The following SLC35F4 variants were observed in gnomAD, a reference collection of about 807,000 sequenced individuals.
The protein encoded by SLC35F4 is chromosome 14 open reading frame 36.
Under a neutral mutation model 44.2 loss-of-function variants are expected in SLC35F4, and 24 were observed. The ratio of observed to expected loss-of-function variants is 0.54; its 90% CI spans 0.39 to 0.76. SLC35F4 has a LOEUF of 0.76. SLC35F4 is among the 30% of genes least tolerant of loss of function. The pLI, the probability that SLC35F4 is intolerant of heterozygous loss-of-function variation, is 0.00. For missense variants in SLC35F4, 562 were observed against 586.1 expected, an observed-to-expected ratio of 0.96 and a Z score of 0.42; for synonymous variants, 238 against 223.6, an observed-to-expected ratio of 1.06 and a Z score of -0.57.
chr14:57,844,707 C>T (rs1391210060), intron 1 of SLC35F4, among the ~76,000 whole-genome samples: 1 of 152,150 alleles, frequency 6.6e-6, no homozygotes, highest in Non-Finnish European at 1.5e-5. Context: ...CTTTTGGAAG[C>T]AAGATTTCCT....
chr14:57,935,155 A>G (rs1022338839), intron 1 of SLC35F4, among the ~76,000 whole-genome samples: 4 of 152,190 alleles, frequency 2.6e-5, no homozygotes, highest in African/African-American at 9.7e-5. Context: ...GGAAGAGAGA[A>G]GTTACCTTCC....
chr14:57,894,675 T>C (rs1888836568), intron 1 of SLC35F4, among the ~76,000 whole-genome samples: 1 of 152,134 alleles, frequency 6.6e-6, no homozygotes, highest in Non-Finnish European at 1.5e-5. Flanking sequence ...TTTATAAAAT[T>C]TGGAGGCAAA....
intron 1 of SLC35F4, among the ~76,000 whole-genome samples, chr14:57,695,956 T>C (rs2075371576): frequency 6.6e-6 from 1 of 152,090 alleles, no homozygotes; most frequent in Non-Finnish European, 1.5e-5. Flanking sequence ...AAGACTTAAA[T>C]GTAAAACCTA....
intron 1 of SLC35F4, among the ~76,000 whole-genome samples, chr14:57,792,423 G>A (rs2077944698): frequency 6.6e-6 from 1 of 152,104 alleles, no homozygotes. Flanking sequence ...CTACCCAGAG[G>A]AAAATAAGTC....
At chr14:57,666,880 C>T (rs996851430) in intron 1 of SLC35F4, among the ~76,000 whole-genome samples, 4 of 151,942 alleles carry the variant, frequency 2.6e-5, no homozygotes, top group African/African-American at 7.3e-5. Flanking sequence ...AATACAATAC[C>T]TACAACAGTC....
chr14:57,839,178 T>C lies in SLC35F4; in HGVS notation c.103+26545A>G, dbSNP rs1470323027. On this transcript the variant is annotated intron_variant, in intron 1 of 7. Transcript: ENST00000556826. Reference sequence around the variant, plus strand: ...GAATTAGCTGAATTCAAACTCTGGATTCCAAAGCCCAGGTTCATTATTCAC... The same window carrying C: ...GAATTAGCTGAATTCAAACTCTGGACTCCAAAGCCCAGGTTCATTATTCAC... Among the ~76,000 whole-genome samples, 4 of 152,148 alleles carry C rather than the reference T, an allele frequency of 2.6e-5. No homozygotes were observed. The East Asian group carries it at 7.7e-4, about 29-fold the overall frequency.
Position 57,903,638 on chromosome 14 carries a change from C to G in SLC35F4, n.282+78275G>C, listed in dbSNP as rs17093890. ...GTTTAGCCCAATACATCATGAAAAC[C>G]TAATTTAATCTAATTAATGTCTCAT... On this transcript the variant is annotated intron_variant and non_coding_transcript_variant, in intron 1 of 1. Coordinates refer to the SLC35F4 transcript ENST00000556568. Among the ~76,000 whole-genome samples, 3,844 of 152,262 alleles carry G rather than the reference C, an allele frequency of 0.025. 432 individuals are homozygous for G. In the East Asian group the frequency reaches 0.4, roughly 16 times the overall value.
chr14:57,731,430 A>C (rs1034430018), intron 1 of SLC35F4, among the ~76,000 whole-genome samples: 1 of 152,180 alleles, frequency 6.6e-6, no homozygotes, highest in Non-Finnish European at 1.5e-5. Context: ...TCTTCATGGG[A>C]GGGTCATCCA....
At chr14:57,637,111 A>G (rs1566711928) in intron 1 of SLC35F4, among the ~76,000 whole-genome samples, 1 of 152,246 alleles carries the variant, frequency 6.6e-6, no homozygotes, top group African/African-American at 2.4e-5. Flanking sequence ...CCTCAGAGCA[A>G]TTGATCTTAA....
At chr14:57,745,847 A>G (rs1287215260) in intron 1 of SLC35F4, among the ~76,000 whole-genome samples, 2 of 152,206 alleles carry the variant, frequency 1.3e-5, no homozygotes, top group Non-Finnish European at 2.9e-5. Context: ...ATGTCCATCA[A>G]TGATAGACTG....
chr14:57,978,003 C>T (rs7158640), intron 1 of SLC35F4, among the ~76,000 whole-genome samples: 4 of 151,840 alleles, frequency 2.6e-5, no homozygotes, highest in East Asian at 1.9e-4. Context: ...ATGAAAGATT[C>T]GAGAAAAGAA....
At position 57,919,613 on chromosome 14, in the gene SLC35F4, G is replaced by A. The variant is rs1219364086; in HGVS notation, n.282+62300C>T. On this transcript the variant is annotated intron_variant and non_coding_transcript_variant, in intron 1 of 1. Coordinates refer to the SLC35F4 transcript ENST00000556568. ...ATTCCAGGGGTGGACCAGTAACTAA[G>A]ACCACCAGATCAAGGAGTTTTCAAT... is the stretch of plus-strand genomic sequence containing the variant. Among the ~76,000 whole-genome samples the A allele has an allele frequency of 2.6e-5, 4 of 152,158 alleles. No homozygotes were observed. The South Asian group carries it at 6.2e-4, about 24-fold the overall frequency.
At chr14:57,931,252 T>C (rs1194976289) in intron 1 of SLC35F4, among the ~76,000 whole-genome samples, 1 of 152,222 alleles carries the variant, frequency 6.6e-6, no homozygotes, top group Non-Finnish European at 1.5e-5. Context: ...TTGACACCTG[T>C]ATCTGGTTAG....
At chr14:57,769,323 T>G (rs2077305881) in intron 1 of SLC35F4, among the ~76,000 whole-genome samples, 1 of 152,090 alleles carries the variant, frequency 6.6e-6, no homozygotes, top group South Asian at 2.1e-4. Flanking sequence ...GAGCTCAGCC[T>G]CAAGACCTAA....
chr14:57,723,849 A>G (rs767392522), intron 1 of SLC35F4, among the ~76,000 whole-genome samples: 18 of 152,178 alleles, frequency 1.2e-4, no homozygotes, highest in Non-Finnish European at 2.2e-4. Flanking sequence ...GGATCTAGTG[A>G]GCAAGAAGTA....
intron 1 of SLC35F4, among the ~76,000 whole-genome samples, chr14:57,705,844 A>T (rs1451986000): frequency 2.0e-5 from 3 of 152,156 alleles, no homozygotes; most frequent in Non-Finnish European, 4.4e-5. Context: ...ATATTTTCTT[A>T]TATAGATGTT....
At chr14:57,825,310 C>G (rs1042637901) in intron 1 of SLC35F4, among the ~76,000 whole-genome samples, 15 of 152,004 alleles carry the variant, frequency 9.9e-5, no homozygotes, top group African/African-American at 3.6e-4. Context: ...AATCATTTGG[C>G]TACATTAAAA....
rs139695182 is a variant in SLC35F4 at position 57,957,157 on chromosome 14, G to A, written n.282+24756C>T. On this transcript the variant is annotated intron_variant and non_coding_transcript_variant, in intron 1 of 1. Coordinates refer to the SLC35F4 transcript ENST00000556568. Reference sequence around the variant, plus strand: ...CTTTGCAGGAACATGGATAAAGCTGGAAACCATCATTCTCAGCAAACTAAC... The same window carrying A: ...CTTTGCAGGAACATGGATAAAGCTGAAAACCATCATTCTCAGCAAACTAAC... Among the ~76,000 whole-genome samples, 844 of 152,254 alleles carry A rather than the reference G, an allele frequency of 5.5e-3. 7 individuals carry two copies. The highest frequency in any genetic ancestry group is 0.019 in the African/African-American group (805 of 41,526).
At chr14:57,784,815 A>G (rs1005859178) in intron 1 of SLC35F4, among the ~76,000 whole-genome samples, 1 of 152,190 alleles carries the variant, frequency 6.6e-6, no homozygotes, top group African/African-American at 2.4e-5. Context: ...CCCATGAGAC[A>G]GCAATACCAA....
Sources: gnomAD v4.1 joint callset for allele counts (sites outside exome capture counted in the v4.1 genomes callset) on GRCh38, gnomAD v4.1.1 for gene constraint, MANE v1.5 for transcripts, NCBI Gene and HGNC (gene_info 2026-07-23, HGNC 2026-07-21) for gene names.